AP3M1: variants seen among roughly 807,000 people sequenced by gnomAD.
AP3M1 encodes adaptor related protein complex 3 subunit mu 1.
AP3M1 carries 29 observed loss-of-function variants against 42.6 expected under a neutral mutation model. That is an observed-to-expected ratio of 0.68 (90% CI 0.51 to 0.93). The LOEUF is 0.93. Among genes scored for constraint, AP3M1 ranks in the 40% least tolerant of loss-of-function variants. The pLI, the probability that AP3M1 is intolerant of heterozygous loss-of-function variation, is 0.00. For synonymous variants in AP3M1, 178 were observed against 175.3 expected (o/e 1.02, Z -0.12); for missense variants, 416 against 510.2 (o/e 0.82, Z 1.78).
chr10:74,144,820 G>A (rs11000891), intron 1 of AP3M1, among the ~76,000 whole-genome samples: 17,217 of 151,876 alleles, frequency 0.11, 1,033 homozygotes, highest in Middle Eastern at 0.19. Flanking sequence ...GCGCCACCAT[G>A]CCCAGCTAAT....
intron 6 of AP3M1, among the ~76,000 whole-genome samples, chr10:74,127,692 C>T (rs1840659376): frequency 6.6e-6 from 1 of 151,664 alleles, no homozygotes; most frequent in Non-Finnish European, 1.5e-5. Flanking sequence ...TAACATAAAA[C>T]AAACAAACAA....
At position 74,121,945 on chromosome 10, in the gene AP3M1, A is replaced by G. The variant is rs1840476433; in HGVS notation, c.*1865T>C. Reference sequence around the variant, plus strand: ...ACATTCTACTTGGATAGAAGAGAAGATAGCACAGGAGGAGAACTGGACAGT... The same window carrying G: ...ACATTCTACTTGGATAGAAGAGAAGGTAGCACAGGAGGAGAACTGGACAGT... On this transcript the variant is annotated 3_prime_UTR_variant, in exon 9 of 9. Coordinates refer to ENST00000355264, the MANE Select transcript of AP3M1 (RefSeq NM_012095.6). The G allele has an allele frequency of 6.6e-6, 1 of 152,240 alleles. No individual in the cohort carries two copies. The highest frequency in any genetic ancestry group is 6.5e-5 in the Admixed American group (1 of 15,288). 9.4% of individuals were successfully genotyped at this position (152,240 alleles called of 1,614,324 possible). A position where few individuals can be genotyped will look rare whatever the true frequency, so the allele number is the denominator to read the frequency against.
chr10:74,128,924 T>A (rs1231005625), intron 6 of AP3M1, 184 bp downstream of exon 6: 5 of 621,678 alleles, frequency 8.0e-6, no homozygotes, highest in Non-Finnish European at 1.4e-5. Context: ...TCTACACTCA[T>A]ACATTCAAAG....
At chr10:74,139,017 A>T (rs1035511498) in intron 1 of AP3M1, 2 of 152,044 alleles carry the variant, frequency 1.3e-5, no homozygotes, top group Non-Finnish European at 2.9e-5. Flanking sequence ...TGAAAGACCG[A>T]ACACTTTCTC....
chr10:74,138,034 A>T (rs1477976114), intron 2 of AP3M1, 73 bp downstream of exon 2: 5 of 1,453,504 alleles, frequency 3.4e-6, no homozygotes. Context: ...CTGGGTAATT[A>T]AATAATATAA....
intron 1 of AP3M1, among the ~76,000 whole-genome samples, chr10:74,149,291 TTTTTTTTTTTTTTTTC>T (rs1841449015): frequency 1.9e-5 from 2 of 104,592 alleles, no homozygotes; most frequent in Admixed American, 9.6e-5. Context: ...TTTTTTTTTT[TTTTTTTTTTTTTTTTC>T]GAGGCAGAGT....
chr10:74,135,063 C>G (rs1452954061), intron 3 of AP3M1, among the ~76,000 whole-genome samples: 1 of 152,082 alleles, frequency 6.6e-6, no homozygotes, highest in East Asian at 1.9e-4. Context: ...TACAATTTTG[C>G]AGTCTACTTA....
chr10:74,125,198 C>T (rs567330037), intron 7 of AP3M1, among the ~76,000 whole-genome samples: 89 of 152,284 alleles, frequency 5.8e-4, no homozygotes, highest in African/African-American at 1.9e-3. Context: ...AGGCTGGTCT[C>T]GAACTCCTGA....
rs370478333 is a variant in AP3M1 at position 74,131,151 on chromosome 10, T to C, written c.584-1159A>G. Among the ~76,000 whole-genome samples, 50 of 152,060 alleles carry C rather than the reference T, an allele frequency of 3.3e-4. 1 individual carries two copies. In the Middle Eastern group the frequency reaches 0.01, roughly 31 times the overall value. On this transcript the variant is annotated intron_variant, in intron 4 of 8. Transcript: ENST00000355264. ...ACAAACCAACCAAAACCATTTTCAA[T>C]AGAATTTTATTTTTTTTTAATTTTT... is the stretch of plus-strand genomic sequence containing the variant.
chr10:74,147,745 A>T (rs1841376407), intron 1 of AP3M1, among the ~76,000 whole-genome samples: 1 of 152,176 alleles, frequency 6.6e-6, no homozygotes, highest in Non-Finnish European at 1.5e-5. Context: ...TCACACCTGT[A>T]ATCCCAGCAC....
At chr10:74,129,312 C>T (rs149538577) in intron 5 of AP3M1, 71 bp from the exon 6 acceptor site, 16,212 of 1,500,740 alleles carry the variant, frequency 0.011, 109 homozygotes, top group Non-Finnish European at 0.013. Flanking sequence ...GATACCTTGA[C>T]AAATATGTTC....
At chr10:74,146,667 C>T (rs1010417026) in intron 1 of AP3M1, among the ~76,000 whole-genome samples, 1 of 152,012 alleles carries the variant, frequency 6.6e-6, no homozygotes, top group Non-Finnish European at 1.5e-5. Flanking sequence ...TTATATATAC[C>T]CTTCTGGTGC....
chr10:74,124,247 C>T, intron 8 of AP3M1, 133 bp downstream of exon 8: 1 of 1,131,528 alleles, frequency 8.8e-7, no homozygotes, highest in Non-Finnish European at 1.2e-6. Context: ...GACTGCCCCA[C>T]CAAGCACAGT....
chr10:74,128,224 A>G (rs1206421169), intron 6 of AP3M1, among the ~76,000 whole-genome samples: 1 of 150,690 alleles, frequency 6.6e-6, no homozygotes, highest in Non-Finnish European at 1.5e-5. Context: ...ACTACCTATA[A>G]CTCCGATCCC....
intron 3 of AP3M1, among the ~76,000 whole-genome samples, chr10:74,135,887 C>T (rs887190175): frequency 3.9e-5 from 6 of 152,112 alleles, no homozygotes; most frequent in Non-Finnish European, 5.9e-5. Flanking sequence ...TTCTTATAGG[C>T]CTCTCTCACC....
rs1398898285 is a variant in AP3M1 at position 74,134,007 on chromosome 10, G to C, written c.583+20C>G. 6.2e-7 allele frequency: 1 copy of C among 1,611,902 alleles called. No homozygotes were observed. Among genetic ancestry groups the C allele is most frequent in the South Asian group, 1.1e-5 (1 of 90,956 alleles). The stretch of plus-strand genomic sequence containing the variant: ...AGATGAATTGTTTTTCCCCAAATAA[G>C]ATGACATGCACACAATTACCTGATT... On this transcript the variant is annotated intron_variant, in intron 4 of 8. Coordinates refer to ENST00000355264, the MANE Select transcript of AP3M1 (RefSeq NM_012095.6).
At chr10:74,145,095 A>G (rs757149413) in intron 1 of AP3M1, among the ~76,000 whole-genome samples, 4 of 152,246 alleles carry the variant, frequency 2.6e-5, no homozygotes, top group Admixed American at 6.5e-5. Flanking sequence ...GCACCGACAC[A>G]GGTTATCTAA....
intron 4 of AP3M1, among the ~76,000 whole-genome samples, chr10:74,133,529 C>T (rs1840844747): frequency 6.6e-6 from 1 of 151,986 alleles, no homozygotes; most frequent in Non-Finnish European, 1.5e-5. Context: ...TGATTGCACT[C>T]CAGCCTGGAC....
chr10:74,144,457 CA>C (rs1160639849), intron 1 of AP3M1, among the ~76,000 whole-genome samples: 2 of 151,932 alleles, frequency 1.3e-5, no homozygotes, highest in African/African-American at 2.4e-5. Flanking sequence ...TTTGTAGAGA[CA>C]AAGTCTGCCT....
Sources: allele counts gnomAD v4.1 joint callset (sites outside exome capture counted in the v4.1 genomes callset), GRCh38; gene constraint gnomAD v4.1.1; transcripts MANE v1.5; gene names NCBI Gene and HGNC (gene_info 2026-07-23, HGNC 2026-07-21).